Variants in PLCB1 observed in about 807,000 individuals in gnomAD.
The protein encoded by PLCB1 is 1-phosphatidylinositol 4,5-bisphosphate phosphodiesterase beta-1.
Under a neutral mutation model 161.8 loss-of-function variants are expected in PLCB1, and 46 were observed. That is an observed-to-expected ratio of 0.28 (90% confidence interval 0.22 to 0.36). PLCB1 has a LOEUF of 0.36. PLCB1 is among the 10% of genes least tolerant of loss of function. The probability of loss-of-function intolerance (pLI) is 1.00; values close to 1 mark genes in which losing one functional copy is unlikely to be tolerated. For missense variants in PLCB1, 1,016 were observed against 1,472.5 expected (o/e 0.69, Z 5.07); for synonymous variants, 517 against 503.7 (o/e 1.03, Z -0.35).
chr20:8,587,278 G>A (rs1413593607), intron 3 of PLCB1, among the ~76,000 whole-genome samples: 1 of 152,102 alleles, frequency 6.6e-6, no homozygotes, highest in Non-Finnish European at 1.5e-5. Flanking sequence ...CATACTAAAT[G>A]AGTTGGGTTA....
chr20:8,827,226 T>G (rs1985750624), intron 31 of PLCB1, among the ~76,000 whole-genome samples: 1 of 152,246 alleles, frequency 6.6e-6, no homozygotes, highest in South Asian at 2.1e-4. Flanking sequence ...GTTCACTGAA[T>G]TTGGAAGTGA....
chr20:8,586,078 T>G (rs1986979551), intron 3 of PLCB1, among the ~76,000 whole-genome samples: 2 of 152,226 alleles, frequency 1.3e-5, no homozygotes, highest in Admixed American at 1.3e-4. Context: ...GCAAGCCTCC[T>G]TGATTAATCA....
At chr20:8,384,801 G>A (rs559276473) in intron 3 of PLCB1, among the ~76,000 whole-genome samples, 1 of 152,264 alleles carries the variant, frequency 6.6e-6, no homozygotes, top group East Asian at 1.9e-4. Context: ...GGCTGCTGCA[G>A]TTTGCTGGGG....
At chr20:8,661,673 G>C (rs1307374524) in intron 9 of PLCB1, among the ~76,000 whole-genome samples, 2 of 151,728 alleles carry the variant, frequency 1.3e-5, no homozygotes, top group African/African-American at 2.4e-5. Context: ...GATTGTGCCT[G>C]TTTATGTTTA....
chr20:8,696,424 A>C (rs1568564080), intron 10 of PLCB1, among the ~76,000 whole-genome samples: 1 of 152,148 alleles, frequency 6.6e-6, no homozygotes, highest in Non-Finnish European at 1.5e-5. Flanking sequence ...AGTTTTGAGA[A>C]GTGTGATTCC....
intron 20 of PLCB1, among the ~76,000 whole-genome samples, chr20:8,738,337 T>C (rs1980689964): frequency 6.6e-6 from 1 of 152,192 alleles, no homozygotes; most frequent in African/African-American, 2.4e-5. Context: ...CCACATCCTC[T>C]CCAGCACCTG....
intron 9 of PLCB1, among the ~76,000 whole-genome samples, chr20:8,671,425 G>C (rs935242502): frequency 3.9e-5 from 6 of 152,070 alleles, no homozygotes; most frequent in African/African-American, 1.4e-4. Flanking sequence ...CAGATTCATG[G>C]GTTGAGGGAT....
At position 8,144,273 on chromosome 20, in the gene PLCB1, GC is replaced by G. The variant is rs1407149731; in HGVS notation, c.100-6016del. 1.1e-4 allele frequency among the ~76,000 whole-genome samples: 16 copies of G among 152,220 alleles called. No homozygotes were observed. In the East Asian group the frequency reaches 2.5e-3, roughly 24 times the overall value. On this transcript the variant is annotated intron_variant, in intron 1 of 31. Coordinates refer to ENST00000338037, the MANE Select transcript of PLCB1 (RefSeq NM_015192.4). ...AAATTATTGGTTTTTCTCATCTGAT[GC>G]CCCCACTAAGCCAGGAGCACCTCGG...
chr20:8,644,249 G>C (rs1158764740), intron 4 of PLCB1, among the ~76,000 whole-genome samples: 1 of 151,952 alleles, frequency 6.6e-6, no homozygotes, highest in African/African-American at 2.4e-5. Context: ...TCTCTGCCTG[G>C]CCGCCCATCG....
At chr20:8,730,552 A>T (rs1980184640) in intron 18 of PLCB1, among the ~76,000 whole-genome samples, 1 of 151,728 alleles carries the variant, frequency 6.6e-6, no homozygotes, top group Admixed American at 6.6e-5. Flanking sequence ...ATTAATTTTC[A>T]ATTCCTTTTT....
chr20:8,793,523 A>G (rs879832537), intron 31 of PLCB1, among the ~76,000 whole-genome samples: 2 of 141,844 alleles, frequency 1.4e-5, no homozygotes, highest in Admixed American at 1.5e-4. Context: ...GAGACATCAC[A>G]CGTTGGTAGG....
chr20:8,723,839 C>T (rs902821493), intron 15 of PLCB1, among the ~76,000 whole-genome samples: 2 of 152,150 alleles, frequency 1.3e-5, no homozygotes, highest in Non-Finnish European at 2.9e-5. Context: ...GTCTAAGACA[C>T]ATCAGGAGCC....
intron 9 of PLCB1, among the ~76,000 whole-genome samples, chr20:8,663,570 C>G (rs1039459156): frequency 6.6e-6 from 1 of 152,038 alleles, no homozygotes; most frequent in Admixed American, 6.6e-5. Flanking sequence ...GCTGGAATTT[C>G]TGTTTTGGGA....
At position 8,717,356 on chromosome 20, in the gene PLCB1, A is replaced by G. The variant is rs191615774; in HGVS notation, c.1336-315A>G. On this transcript the variant is annotated intron_variant, in intron 13 of 31. Coordinates refer to ENST00000338037, the MANE Select transcript of PLCB1 (RefSeq NM_015192.4). ...GCCAGGGCCTTCTTATCTGTCCTAA[A>G]TCAAGATGATTGGGTTTCTATGTTC... 2.8e-3 allele frequency among the ~76,000 whole-genome samples: 419 copies of G among 152,344 alleles called. 5 individuals are homozygous for G. The highest frequency in any genetic ancestry group is 0.023 in the Admixed American group (359 of 15,308).
chr20:8,761,686 T>C (rs571208908), intron 25 of PLCB1, among the ~76,000 whole-genome samples: 7 of 151,960 alleles, frequency 4.6e-5, no homozygotes, highest in Admixed American at 6.6e-5. Flanking sequence ...ACCCGGCTAA[T>C]TTTGTATTTT....
intron 9 of PLCB1, among the ~76,000 whole-genome samples, chr20:8,668,569 G>A (rs1475976998): frequency 6.6e-6 from 1 of 152,158 alleles, no homozygotes; most frequent in East Asian, 1.9e-4. Context: ...AGTTTGGAAG[G>A]TGATTCCAGG....
chr20:8,497,103 T>C (rs1983209949), intron 3 of PLCB1, among the ~76,000 whole-genome samples: 1 of 152,188 alleles, frequency 6.6e-6, no homozygotes, highest in African/African-American at 2.4e-5. Flanking sequence ...ATTTGATAAA[T>C]ATACATGAGA....
At position 8,335,582 on chromosome 20, in the gene PLCB1, A is replaced by G. The variant is rs77567537; in HGVS notation, c.178-35800A>G. Among the ~76,000 whole-genome samples the G allele has an allele frequency of 5.7e-3, 872 of 152,216 alleles. 4 individuals carry two copies. The highest frequency in any genetic ancestry group is 0.019 in the African/African-American group (804 of 41,528). ...AGGGTCTCTGTGTATACATGAGTAG[A>G]TCTGGTCCCCACCCGTAGTTGCTCT... On this transcript the variant is annotated intron_variant, in intron 2 of 31. Coordinates refer to ENST00000338037, the MANE Select transcript of PLCB1 (RefSeq NM_015192.4).
intron 23 of PLCB1, chr20:8,751,498 A>T (rs1600298418): frequency 6.6e-6 from 1 of 152,308 alleles, no homozygotes; most frequent in East Asian, 1.9e-4. Context: ...CTTTTCAGTT[A>T]CCATTTTACT....
Sources: gnomAD v4.1 joint callset for allele counts (sites outside exome capture counted in the v4.1 genomes callset) on GRCh38, gnomAD v4.1.1 for gene constraint, MANE v1.5 for transcripts, NCBI Gene and HGNC (gene_info 2026-07-23, HGNC 2026-07-21) for gene names.